C10orf143: variants seen among roughly 807,000 people sequenced by gnomAD.
C10orf143 encodes the protein chromosome 10 open reading frame 143.
At chr10:130,095,126 A>G (rs1389721096) in intron 1 of C10orf143, among the ~76,000 whole-genome samples, 1 of 151,988 alleles carries the variant, frequency 6.6e-6, no homozygotes, top group Non-Finnish European at 1.5e-5. Flanking sequence ...CCCATTCACA[A>G]TTGCTACAAA....
At chr10:130,110,405 C>CG (rs1861741275) in intron 1 of C10orf143, among the ~76,000 whole-genome samples, 1 of 152,230 alleles carries the variant, frequency 6.6e-6, no homozygotes, top group African/African-American at 2.4e-5. Context: ...CAATGAGTCT[C>CG]GGCCCATGTT....
rs564453999 is a variant in C10orf143, at chr10:130,065,243, C to T, written c.298-860G>A. Reference sequence around the variant, plus strand: ...GAACTTGCCTGGAGGGATTATCAGACAGCAGAGTACTGACGTCAGATACTG... The same window carrying T: ...GAACTTGCCTGGAGGGATTATCAGATAGCAGAGTACTGACGTCAGATACTG... On this transcript the variant is annotated intron_variant, in intron 3 of 3. Coordinates refer to ENST00000637128, the MANE Select transcript of C10orf143 (RefSeq NM_001355042.2). The surrounding 1 kb of genome is among the most constrained non-coding windows in gnomAD (Gnocchi z 4.2). 2 of 152,330 alleles carry T rather than the reference C, an allele frequency of 1.3e-5. No homozygotes were observed. Among genetic ancestry groups the T allele is most frequent in the African/African-American group, 4.8e-5 (2 of 41,560 alleles). The allele number at this position is 152,330 out of a possible 1,614,324, so 9.4% of individuals were successfully genotyped here.
intron 3 of C10orf143, among the ~76,000 whole-genome samples, chr10:130,070,084 A>T (rs1861006079): frequency 6.6e-6 from 1 of 152,188 alleles, no homozygotes; most frequent in Non-Finnish European, 1.5e-5. Flanking sequence ...CATGTAACAG[A>T]TGATCTCTAT....
At chr10:130,109,174 A>G (rs917630098) in intron 1 of C10orf143, among the ~76,000 whole-genome samples, 1 of 152,146 alleles carries the variant, frequency 6.6e-6, no homozygotes, top group Non-Finnish European at 1.5e-5. Flanking sequence ...ACACTACTGT[A>G]GCCACAAGCC....
intron 1 of C10orf143, among the ~76,000 whole-genome samples, chr10:130,088,212 G>T (rs1279375637): frequency 1.3e-5 from 2 of 152,006 alleles, no homozygotes; most frequent in Non-Finnish European, 2.9e-5. Flanking sequence ...GTGAAATTCC[G>T]TCTCTACTAA....
intron 1 of C10orf143, chr10:130,101,044 C>T (rs914641058): frequency 6.6e-6 from 1 of 151,762 alleles, no homozygotes; most frequent in African/African-American, 2.4e-5. Flanking sequence ...ATGGTGAAAC[C>T]CCGTGGCGAC....
At chr10:130,060,009 C>A (rs1361624812), downstream of C10orf143, among the ~76,000 whole-genome samples, 1 of 152,170 alleles carries the variant, frequency 6.6e-6, no homozygotes, top group African/African-American at 2.4e-5. Context: ...AAAAGCACAG[C>A]TGCAGTCATA....
intron 3 of C10orf143, 89 bp downstream of exon 3, chr10:130,079,477 T>C (rs1007285195): frequency 1.5e-5 from 6 of 398,168 alleles, no homozygotes; most frequent in South Asian, 2.7e-4. Flanking sequence ...AGAAACATAA[T>C]TGCAGTTTTT....
At chr10:130,053,257 C>T (rs917757903) in intron 3 of C10orf143, among the ~76,000 whole-genome samples, 16 of 152,274 alleles carry the variant, frequency 1.1e-4, no homozygotes, top group Non-Finnish European at 2.2e-4. Context: ...AACGGGGTTT[C>T]ACTATGTTGG....
At chr10:130,099,081 C>T (rs1861506239) in intron 1 of C10orf143, among the ~76,000 whole-genome samples, 2 of 125,840 alleles carry the variant, frequency 1.6e-5, no homozygotes, top group South Asian at 5.0e-4. Flanking sequence ...GAGTGAGACA[C>T]CATCTCAAAA....
intron 1 of C10orf143, among the ~76,000 whole-genome samples, chr10:130,083,306 C>A (rs1290155711): frequency 1.3e-5 from 2 of 152,180 alleles, no homozygotes; most frequent in Non-Finnish European, 1.5e-5. Context: ...AAAACAGGCA[C>A]CTCCTGCTTT....
intron 1 of C10orf143, chr10:130,106,715 C>CTGA (rs763388463): frequency 1.0e-5 from 13 of 1,251,178 alleles, no homozygotes; most frequent in Non-Finnish European, 1.3e-5. Flanking sequence ...AAGCCAGAAA[C>CTGA]AGCTTTTGCA....
chr10:130,094,896 G>A (rs1003829605), intron 1 of C10orf143, among the ~76,000 whole-genome samples: 24 of 152,130 alleles, frequency 1.6e-4, no homozygotes, highest in Non-Finnish European at 3.2e-4. Flanking sequence ...GCAAAAGAAA[G>A]AAATAAAGGT....
At chr10:130,109,704 C>T (rs902607793) in intron 1 of C10orf143, among the ~76,000 whole-genome samples, 2 of 152,026 alleles carry the variant, frequency 1.3e-5, no homozygotes, top group Non-Finnish European at 2.9e-5. Flanking sequence ...ACTGGCTTCA[C>T]GGCCAGGCAG....
rs577413183 is a variant in C10orf143, at chr10:130,064,171, G to A, written c.*183C>T. The A allele has an allele frequency of 3.8e-5, 15 of 390,232 alleles. No homozygotes were observed. Among genetic ancestry groups the A allele is most frequent in the Non-Finnish European group, 5.0e-5 (11 of 221,498 alleles). 24.2% of individuals were successfully genotyped at this position (390,232 alleles called of 1,614,324 possible). The stretch of plus-strand genomic sequence containing the variant: ...AGTGATGTGGATTCTCCTGGCTCTC[G>A]TGCAGAGGATGGTGGATTTACTAGA... On this transcript the variant is annotated 3_prime_UTR_variant, in exon 4 of 4. Transcript: ENST00000637128.
rs1861475973 is a variant in C10orf143, at chr10:130,097,176, A to AG, written c.69+13527dup. Among the ~76,000 whole-genome samples, 11 of 152,228 alleles carry AG rather than the reference A, an allele frequency of 7.2e-5. No individual in the cohort carries two copies. In the South Asian group the frequency reaches 2.3e-3, roughly 32 times the overall value. Reference sequence around the variant, plus strand: ...ACAAAAAGACAACACAATTTTTTAAAGGGGCAAAAGATGTGAAGAGTAATT... The same window carrying AG: ...ACAAAAAGACAACACAATTTTTTAAAGGGGGCAAAAGATGTGAAGAGTAATT... On this transcript the variant is annotated intron_variant, in intron 1 of 3. Coordinates refer to ENST00000637128, the MANE Select transcript of C10orf143 (RefSeq NM_001355042.2).
At chr10:130,060,020 T>TTTGCA (rs2134740457), downstream of C10orf143, among the ~76,000 whole-genome samples, 1 of 151,698 alleles carries the variant, frequency 6.6e-6, no homozygotes, top group African/African-American at 2.4e-5. Flanking sequence ...TGCAGTCATA[T>TTTGCA]TCTGTCTGGT....
chr10:130,085,408 C>T (rs1323886246), intron 1 of C10orf143, among the ~76,000 whole-genome samples: 1 of 152,120 alleles, frequency 6.6e-6, no homozygotes, highest in East Asian at 1.9e-4. Context: ...AGTACTCATG[C>T]CAAAAATGCG....
intron 1 of C10orf143, among the ~76,000 whole-genome samples, chr10:130,090,076 A>G (rs1319592629): frequency 2.0e-5 from 3 of 152,230 alleles, no homozygotes; most frequent in African/African-American, 4.8e-5. Flanking sequence ...ATCAATATTC[A>G]AAGGTTTGGG....
Sources: allele counts gnomAD v4.1 joint callset (sites outside exome capture counted in the v4.1 genomes callset), GRCh38; gene constraint gnomAD v4.1.1; non-coding constraint Gnocchi (gnomAD v3.1); transcripts MANE v1.5; gene names NCBI Gene and HGNC (gene_info 2026-07-23, HGNC 2026-07-21).